SPSB1: variants seen among roughly 807,000 people sequenced by gnomAD.
SPSB1 encodes the protein splA/ryanodine receptor domain and SOCS box containing 1.
Under a neutral mutation model 21.2 loss-of-function variants are expected in SPSB1, and 8 were observed. The observed-to-expected ratio is 0.38, with a 90% CI of 0.22 to 0.68. The LOEUF (loss-of-function observed/expected upper bound fraction) is 0.68. Ranked by LOEUF, SPSB1 falls within the 30% of genes least tolerant of loss-of-function variation. The pLI, the probability that SPSB1 is intolerant of heterozygous loss-of-function variation, is 0.53. For synonymous variants in SPSB1, 169 were observed against 161.7 expected (o/e 1.05, Z -0.34); for missense variants, 242 against 377.8 (o/e 0.64, Z 2.98).
rs907886898 is a variant in SPSB1 at position 9,367,366 on chromosome 1, G to A, written c.695-82G>A. ...CTGATTTGAGTGAATACTAATCAGT[G>A]ATAATATTGCTGCTGTGGTTAGCGC... On this transcript the variant is annotated intron_variant, in intron 2 of 2. Transcript: ENST00000328089. The surrounding 1 kb of genome is among the most constrained non-coding windows in gnomAD (Gnocchi z 5.9). 6.9e-6 allele frequency: 11 copies of A among 1,593,744 alleles called. No individual in the cohort carries two copies. The highest frequency in any genetic ancestry group is 9.4e-6 in the Non-Finnish European group (11 of 1,166,874).
intron 1 of SPSB1, among the ~76,000 whole-genome samples, chr1:9,315,519 G>T (rs996699160): frequency 6.6e-6 from 1 of 152,258 alleles, no homozygotes; most frequent in African/African-American, 2.4e-5. Flanking sequence ...CACATGACGG[G>T]GTGGGAGCTG....
At chr1:9,360,563 C>T (rs1022543603) in intron 2 of SPSB1, among the ~76,000 whole-genome samples, 6 of 152,148 alleles carry the variant, frequency 3.9e-5, no homozygotes, top group African/African-American at 1.2e-4. Context: ...AGGGGGAGCC[C>T]GCCCCATGCC....
chr1:9,310,457 C>A lies in SPSB1; in HGVS notation c.-150+17386C>A, dbSNP rs577049687. 8.4e-4 allele frequency among the ~76,000 whole-genome samples: 128 copies of A among 152,126 alleles called. 1 individual carries two copies. Among genetic ancestry groups the A allele is most frequent in the Non-Finnish European group, 1.6e-3 (108 of 68,024 alleles). ...CCTGTAATCCCAGCACTTTGGGAGG[C>A]CGAGGCAGGCAGATCACTTGAGGCC... is the stretch of plus-strand genomic sequence containing the variant. On this transcript the variant is annotated intron_variant, in intron 1 of 2. Coordinates refer to ENST00000328089, the MANE Select transcript of SPSB1 (RefSeq NM_025106.4).
chr1:9,328,161 G>A (rs962573111), intron 1 of SPSB1, among the ~76,000 whole-genome samples: 2 of 152,222 alleles, frequency 1.3e-5, no homozygotes, highest in Admixed American at 6.5e-5. Flanking sequence ...TATAGAGCCA[G>A]ACGAACGTGG....
At chr1:9,328,505 G>A (rs977169694) in intron 1 of SPSB1, among the ~76,000 whole-genome samples, 7 of 152,206 alleles carry the variant, frequency 4.6e-5, no homozygotes, top group East Asian at 3.8e-4. Context: ...AGGCCACTTC[G>A]GGGGAAGAGC....
intron 1 of SPSB1, among the ~76,000 whole-genome samples, chr1:9,319,371 C>A (rs2100480480): frequency 6.6e-6 from 1 of 152,260 alleles, no homozygotes; most frequent in South Asian, 2.1e-4. Flanking sequence ...ACCCAGCCCC[C>A]ACAGGTCAGG....
At chr1:9,361,407 C>G (rs1640475713) in intron 2 of SPSB1, among the ~76,000 whole-genome samples, 2 of 151,840 alleles carry the variant, frequency 1.3e-5, no homozygotes, top group South Asian at 4.2e-4. Flanking sequence ...CATCAGTGTC[C>G]CCACCACCCC....
chr1:9,334,660 C>T (rs958104449), intron 1 of SPSB1, among the ~76,000 whole-genome samples: 3 of 151,956 alleles, frequency 2.0e-5, no homozygotes, highest in Non-Finnish European at 4.4e-5. Context: ...CGTCACTGAC[C>T]CCCCATTCCT....
intron 1 of SPSB1, among the ~76,000 whole-genome samples, chr1:9,343,195 C>T (rs1006098777): frequency 1.3e-5 from 2 of 152,180 alleles, no homozygotes; most frequent in Non-Finnish European, 2.9e-5. Flanking sequence ...AGTTTCATCA[C>T]CCCTAAAAGA....
intron 1 of SPSB1, among the ~76,000 whole-genome samples, chr1:9,304,633 C>T (rs75581935): frequency 0.043 from 6,553 of 152,034 alleles, 198 homozygotes; most frequent in Middle Eastern, 0.078. Flanking sequence ...GCAGGTGCCT[C>T]GGGTTCCCAG....
At chr1:9,344,385 C>G (rs577017857) in intron 1 of SPSB1, among the ~76,000 whole-genome samples, 30 of 152,348 alleles carry the variant, frequency 2.0e-4, no homozygotes, top group Admixed American at 9.8e-4. Context: ...GCCTTTCCAT[C>G]TGCCTTTCCT....
At chr1:9,358,159 C>T (rs998328406) in intron 2 of SPSB1, among the ~76,000 whole-genome samples, 2 of 152,202 alleles carry the variant, frequency 1.3e-5, no homozygotes, top group Admixed American at 6.5e-5. Context: ...TTGAAAGATA[C>T]TGGGGAAAGT....
At chr1:9,312,718 G>A (rs529772284) in intron 1 of SPSB1, among the ~76,000 whole-genome samples, 6 of 152,270 alleles carry the variant, frequency 3.9e-5, no homozygotes, top group South Asian at 4.1e-4. Flanking sequence ...TCAAATTGGC[G>A]TGGTTTTGGT....
rs376930630 is a variant in SPSB1, at chr1:9,344,137, A to C, written c.-149-11606A>C. 2.0e-5 allele frequency among the ~76,000 whole-genome samples: 3 copies of C among 152,300 alleles called. No individual in the cohort carries two copies. The East Asian group carries it at 5.8e-4, about 29-fold the overall frequency. On this transcript the variant is annotated intron_variant, in intron 1 of 2. Transcript: ENST00000328089. ...TACAAGTGTAATCCTGATGGTTTTC[A>C]TTTAATAGGGATCTGAGATTCTAAA...
intron 1 of SPSB1, among the ~76,000 whole-genome samples, chr1:9,307,117 G>A (rs1316183211): frequency 6.6e-6 from 1 of 151,760 alleles, no homozygotes; most frequent in Non-Finnish European, 1.5e-5. Flanking sequence ...TAGTAGAGAT[G>A]GGGTTTCACC....
At chr1:9,352,397 C>T (rs1401164647) in intron 1 of SPSB1, among the ~76,000 whole-genome samples, 2 of 152,202 alleles carry the variant, frequency 1.3e-5, no homozygotes, top group African/African-American at 4.8e-5. Context: ...AGGGCCCTGT[C>T]TAAGCTCTGG....
At chr1:9,311,876 C>T (rs898025384) in intron 1 of SPSB1, among the ~76,000 whole-genome samples, 3 of 152,090 alleles carry the variant, frequency 2.0e-5, no homozygotes, top group African/African-American at 7.2e-5. Flanking sequence ...TCATCCTCTG[C>T]CAGATGAAAT....
At chr1:9,315,165 G>T (rs1013554603) in intron 1 of SPSB1, among the ~76,000 whole-genome samples, 2 of 152,206 alleles carry the variant, frequency 1.3e-5, no homozygotes, top group African/African-American at 4.8e-5. Context: ...GACAAGAGCT[G>T]CACCTGCCGG....
chr1:9,358,793 G>C (rs960989941), intron 2 of SPSB1, among the ~76,000 whole-genome samples: 3 of 152,138 alleles, frequency 2.0e-5, no homozygotes, highest in Non-Finnish European at 4.4e-5. Context: ...CTCTGGGTTT[G>C]CACAGCTTCA....
Sources: allele counts gnomAD v4.1 joint callset (sites outside exome capture counted in the v4.1 genomes callset), GRCh38; gene constraint gnomAD v4.1.1; non-coding constraint Gnocchi (gnomAD v3.1); transcripts MANE v1.5; gene names NCBI Gene and HGNC (gene_info 2026-07-23, HGNC 2026-07-21).